The following ARHGAP45 variants were observed in gnomAD, a reference collection of about 807,000 sequenced individuals.
The protein encoded by ARHGAP45 is rho GTPase-activating protein 45.
In ARHGAP45, 56 loss-of-function variants were observed where a neutral mutation model predicts 116.1. That is an observed-to-expected ratio of 0.48 (90% CI 0.39 to 0.60). ARHGAP45 has a LOEUF of 0.60. ARHGAP45 is among the 20% of genes least tolerant of loss of function. The probability of loss-of-function intolerance (pLI) is 0.00; values close to 1 mark genes in which losing one functional copy is unlikely to be tolerated. For missense variants in ARHGAP45, 1,622 were observed against 1,601.0 expected (o/e 1.01, Z -0.22); for synonymous variants, 866 against 701.7 (o/e 1.23, Z -3.70).
At chr19:1,075,882 C>G (rs2043236811) in intron 10 of ARHGAP45, among the ~76,000 whole-genome samples, 1 of 152,210 alleles carries the variant, frequency 6.6e-6, no homozygotes, top group Admixed American at 6.5e-5. Context: ...CTAGCTCCTT[C>G]CAGCACATAC....
In ARHGAP45 at chr19:1,080,284, G is replaced by A; in HGVS notation, c.1733G>A (p.Ser578Asn). 6.2e-7 allele frequency: 1 copy of A among 1,612,604 alleles called. No individual in the cohort carries two copies. Among genetic ancestry groups the A allele is most frequent in the Non-Finnish European group, 8.5e-7 (1 of 1,179,862 alleles). Residue 578 changes from serine to asparagine, a missense_variant, in exon 14 of 23, where the codon AGC (serine) becomes AAC (asparagine). Ser to Asn is a conservative substitution (Grantham distance 46, BLOSUM62 1). This residue lies in a region of ARHGAP45 where 1,334 missense variants were observed against 1,263.8 expected (regional missense o/e 1.06). Coordinates refer to ENST00000313093, the MANE Select transcript of ARHGAP45 (RefSeq NM_012292.5). ...WSPVMRARKS[S>N]FNVSDVARPE... ...CCCGTCATGCGTGCCCGGAAGAGCA[G>A]CTTCAACGTGAGTGATGTGGCGCGG...
At chr19:1,083,567 C>T (rs1465809315) in intron 21 of ARHGAP45, among the ~76,000 whole-genome samples, 1 of 152,200 alleles carries the variant, frequency 6.6e-6, no homozygotes, top group African/African-American at 2.4e-5. Flanking sequence ...AAAGGCTCTG[C>T]GGCCGCCCCT....
intron 15 of ARHGAP45, 23 bp from the exon 16 acceptor site, chr19:1,080,659 G>C (rs1229106244): frequency 6.2e-7 from 1 of 1,611,516 alleles, no homozygotes. Flanking sequence ...GGGGGAGTCT[G>C]AACAGTCCTG....
chr19:1,084,833 C>T (rs920847216), intron 22 of ARHGAP45, among the ~76,000 whole-genome samples: 4 of 152,090 alleles, frequency 2.6e-5, no homozygotes, highest in African/African-American at 9.7e-5. Context: ...CGCCTGTAAT[C>T]CTCGCACTTT....
At position 1,081,003 on chromosome 19, in the gene ARHGAP45, C is replaced by A. The variant is rs1406153114; in HGVS notation, c.2129C>A (p.Thr710Lys). The part of the protein sequence containing the change: ...ARTHRLRKLR[T>K]PAKCRECNSY... ...ACTCACCGGCTCCGGAAGCTCCGCA[C>A]GCCCGCCAAGTGCCGCGAGTGCAAC... Residue 710 changes from threonine (T) to lysine (K), a missense_variant, in exon 17 of 23, where the codon ACG becomes AAG. By Grantham distance (78) the Thr-to-Lys change is moderately conservative. Around this residue, in one of 3 missense-constraint regions of ARHGAP45, gnomAD observed 1,334 missense variants for 1,263.8 expected, o/e 1.06. Coordinates refer to ENST00000313093, the MANE Select transcript of ARHGAP45 (RefSeq NM_012292.5). 1 of 1,608,058 alleles carries A rather than the reference C, an allele frequency of 6.2e-7. No homozygotes were observed. Among genetic ancestry groups the A allele is most frequent in the Non-Finnish European group, 8.5e-7 (1 of 1,178,266 alleles).
chr19:1,083,220 C>T lies in ARHGAP45; in HGVS notation c.2822C>T (p.Pro941Leu). ...GIVFGPTLLRPRPTEATVSLS... is the reference protein window; with the variant it reads ...GIVFGPTLLRLRPTEATVSLS... ...GTGTTCGGGCCCACGCTGCTTCGGC[C>T]ACGGCCCACCGAGGCCACCGTGTCC... Residue 941 changes from proline to leucine, a missense_variant, in exon 21 of 23, where the codon CCA becomes CTA. Pro to Leu is a moderately conservative substitution (Grantham distance 98). Coordinates refer to ENST00000313093, the MANE Select transcript of ARHGAP45 (RefSeq NM_012292.5). 1.9e-6 allele frequency: 3 copies of T among 1,609,700 alleles called. No homozygotes were observed. The highest frequency in any genetic ancestry group is 2.5e-6 in the Non-Finnish European group (3 of 1,178,580).
upstream of ARHGAP45, chr19:1,066,209 G>A: frequency 2.0e-6 from 3 of 1,516,260 alleles, no homozygotes; most frequent in South Asian, 3.6e-5. Context: ...TGGGGTTTTG[G>A]GATTGGGGGT....
chr19:1,071,325 G>T lies in ARHGAP45; in HGVS notation c.422-1824G>T, dbSNP rs1213174173. 1.3e-5 allele frequency: 19 copies of T among 1,416,878 alleles called. No homozygotes were observed. Among genetic ancestry groups the T allele is most frequent in the Non-Finnish European group, 1.8e-6 (2 of 1,092,078 alleles). The allele number at this position is 1,416,878 out of a possible 1,614,324, so 87.8% of individuals were successfully genotyped here. A position where few individuals can be genotyped will look rare whatever the true frequency, so the allele number is the denominator to read the frequency against. ...CGGGACGGCGCACCCGGTGCTGGAC[G>T]AGGGCCCCGTGCGCTGCCGGGCGGG... On this transcript the variant is annotated intron_variant, in intron 2 of 22. Transcript: ENST00000313093. The surrounding 1 kb of genome is among the most constrained non-coding windows in gnomAD (Gnocchi z 4.6).
rs568810406 is a variant in ARHGAP45 at position 1,075,032 on chromosome 19, C to A, written c.1185+153C>A. Among the ~76,000 whole-genome samples the A allele has an allele frequency of 1.7e-4, 22 of 133,066 alleles. 1 individual carries two copies. Among genetic ancestry groups the A allele is most frequent in the South Asian group, 7.0e-4 (3 of 4,304 alleles). 87.3% of individuals were successfully genotyped at this position (133,066 alleles called of 152,430 possible). On this transcript the variant is annotated intron_variant, in intron 10 of 22. Transcript: ENST00000313093. ...GCGGCCTCGCAGGCTGGGCCGCCCC[C>A]CCCAACGCCAAGCCGGGTCGGAGAT...
rs188048826 is a variant in ARHGAP45, at chr19:1,077,588, G to T, written c.1186-269G>T. 356 of 1,275,776 alleles carry T rather than the reference G, an allele frequency of 2.8e-4. 1 individual carries two copies. The African/African-American group carries it at 4.7e-3, about 17-fold the overall frequency. 79.0% of individuals were successfully genotyped at this position (1,275,776 alleles called of 1,614,324 possible). On this transcript the variant is annotated intron_variant, in intron 10 of 22. Coordinates refer to ENST00000313093, the MANE Select transcript of ARHGAP45 (RefSeq NM_012292.5). ...TTGGGTAGATACGGGGTTTCACTATGTTGGCCAGGCTGGTCTCAAACTCCT... is the reference window on the plus strand; with the variant it reads ...TTGGGTAGATACGGGGTTTCACTATTTTGGCCAGGCTGGTCTCAAACTCCT...
In ARHGAP45 at chr19:1,073,668, C is replaced by G. The variant is rs1295701372; in HGVS notation, c.651-6C>G. ...TCTCTCGATGGTGACCTCGCTGGCC[C>G]TGCAGAGTGTCCGAGTTCCTCATGG... On this transcript the variant is annotated splice_polypyrimidine_tract_variant and splice_region_variant and intron_variant, in intron 4 of 22. Coordinates refer to ENST00000313093, the MANE Select transcript of ARHGAP45 (RefSeq NM_012292.5). The G allele has an allele frequency of 1.9e-6, 3 of 1,608,534 alleles. No individual in the cohort carries two copies. The highest frequency in any genetic ancestry group is 2.5e-6 in the Non-Finnish European group (3 of 1,177,194).
In ARHGAP45 at chr19:1,085,623, T is replaced by TGTCTGTCTCCCCCCGCC. The variant is rs754125951; in HGVS notation, c.3065-36_3065-20dup. 19 of 1,453,538 alleles carry TGTCTGTCTCCCCCCGCC rather than the reference T, an allele frequency of 1.3e-5. No individual in the cohort carries two copies. In the African/African-American group the frequency reaches 2.3e-4, roughly 17 times the overall value. The allele number at this position is 1,453,538 out of a possible 1,614,324, so 90.0% of individuals were successfully genotyped here. ...CCCCTTGTCTCTCCTCCATCTCTCC[T>TGTCTGTCTCCCCCCGCC]GTCTGTCTCCCCCCGCCATCTGTCT... On this transcript the variant is annotated intron_variant, in intron 22 of 22. Transcript: ENST00000313093.
rs2043071972 is a variant in ARHGAP45, at chr19:1,068,049, A to G, written c.91-365A>G. ...GGTTCCATGGACCTTTAGGGGACAGACAGAGTCAGAAGTGTGTTCACTTAA... is the reference window on the plus strand; with the variant it reads ...GGTTCCATGGACCTTTAGGGGACAGGCAGAGTCAGAAGTGTGTTCACTTAA... On this transcript the variant is annotated intron_variant, in intron 1 of 22. Coordinates refer to ENST00000313093, the MANE Select transcript of ARHGAP45 (RefSeq NM_012292.5). The surrounding 1 kb of genome is among the most constrained non-coding windows in gnomAD (Gnocchi z 7.5). Among the ~76,000 whole-genome samples, 1 of 151,860 alleles carries G rather than the reference A, an allele frequency of 6.6e-6. No individual in the cohort carries two copies. Among genetic ancestry groups the G allele is most frequent in the South Asian group, 2.1e-4 (1 of 4,806 alleles).
rs1007911059 is a variant in ARHGAP45, at chr19:1,069,442, T to C, written c.421+698T>C. 2.0e-5 allele frequency among the ~76,000 whole-genome samples: 3 copies of C among 152,228 alleles called. No individual in the cohort carries two copies. Among genetic ancestry groups the C allele is most frequent in the Non-Finnish European group, 2.9e-5 (2 of 68,034 alleles). ...CCCCGGCTCCTCCCAGAAACCACAG[T>C]GCCAGGGTCATGCCAGGCGCTCTGA... is the stretch of plus-strand genomic sequence containing the variant. On this transcript the variant is annotated intron_variant, in intron 2 of 22. Transcript: ENST00000313093. This position sits in a 1 kb window ranked among gnomAD's most constrained non-coding sequence, Gnocchi z 4.1.
chr19:1,077,208 A>C, intron 10 of ARHGAP45: 5 of 985,342 alleles, frequency 5.1e-6, no homozygotes, highest in Non-Finnish European at 6.0e-6. Context: ...AAGTGAAAGC[A>C]AAAGAGCCCG....
At chr19:1,077,574 C>T (rs896231991) in intron 10 of ARHGAP45, 32 of 1,193,278 alleles carry the variant, frequency 2.7e-5, no homozygotes, top group Admixed American at 1.6e-4. Context: ...TGGGTAGATA[C>T]GGGGTTTCAC....
intron 10 of ARHGAP45, 73 bp downstream of exon 10, chr19:1,074,952 C>A: frequency 7.6e-7 from 1 of 1,317,572 alleles, no homozygotes; most frequent in South Asian, 1.7e-5. Context: ...AGCCCCAGCC[C>A]CATAGCGAGG....
rs1423036732 is a variant in ARHGAP45, at chr19:1,071,210, G to C, written c.422-1939G>C. 5 of 1,422,170 alleles carry C rather than the reference G, an allele frequency of 3.5e-6. No individual in the cohort carries two copies. Among genetic ancestry groups the C allele is most frequent in the Non-Finnish European group, 4.6e-6 (5 of 1,090,458 alleles). The allele number at this position is 1,422,170 out of a possible 1,614,324, so 88.1% of individuals were successfully genotyped here. A position where few individuals can be genotyped will look rare whatever the true frequency, so the allele number is the denominator to read the frequency against. ...CGGGGCCTCCTGACCGGCCGGAGCC[G>C]GTTTGGCCACCGGAGACCCCCATCG... On this transcript the variant is annotated intron_variant, in intron 2 of 22. Transcript: ENST00000313093. This position sits in a 1 kb window ranked among gnomAD's most constrained non-coding sequence, Gnocchi z 4.6.
Position 1,081,684 on chromosome 19 carries a change from C to G in ARHGAP45, c.2325C>G (p.Pro775=). The G allele has an allele frequency of 6.3e-7, 1 of 1,590,020 alleles. No homozygotes were observed. Among genetic ancestry groups the G allele is most frequent in the African/African-American group, 1.3e-5 (1 of 74,504 alleles). ...HAARSAPDGV[P]FIVKKCVCEI... ...CCCGCAGCGCCCCCGACGGCGTGCC[C>G]TTCATCGTCAAGAAGTGCGTCTGCG... is the stretch of plus-strand genomic sequence containing the variant. Residue 775 remains proline (P), a synonymous_variant, in exon 18 of 23, where the codon CCC becomes CCG. Coordinates refer to ENST00000313093, the MANE Select transcript of ARHGAP45 (RefSeq NM_012292.5).
Sources: allele counts gnomAD v4.1 joint callset (sites outside exome capture counted in the v4.1 genomes callset), GRCh38; gene constraint gnomAD v4.1.1; regional missense constraint gnomAD v4.1.1; non-coding constraint Gnocchi (gnomAD v3.1); transcripts MANE v1.5; gene names NCBI Gene and HGNC (gene_info 2026-07-23, HGNC 2026-07-21).